Variants in CCNL1 observed in about 807,000 individuals in gnomAD.
CCNL1 encodes cyclin L1.
A neutral mutation model predicts 60.6 loss-of-function variants in CCNL1; 13 were observed. The ratio of observed to expected loss-of-function variants is 0.21; its 90% confidence interval spans 0.14 to 0.34. CCNL1 has a LOEUF of 0.34. Among genes scored for constraint, CCNL1 ranks in the 10% least tolerant of loss-of-function variants. The pLI is 1.00. For synonymous variants in CCNL1, 270 were observed against 244.3 expected (o/e 1.10, Z -0.98); for missense variants, 481 against 664.3 (o/e 0.72, Z 3.03).
At chr3:157,144,764 C>A (rs73012142), downstream of CCNL1, among the ~76,000 whole-genome samples, 3,558 of 152,312 alleles carry the variant, frequency 0.023, 138 homozygotes, top group African/African-American at 0.082. Flanking sequence ...TATGTCCATG[C>A]TTTTAACTTC....
chr3:157,150,859 C>G, intron 5 of CCNL1: 1 of 985,782 alleles, frequency 1.0e-6, no homozygotes, highest in South Asian at 4.7e-5. Context: ...CAGTAAGTAC[C>G]AAGTTAAACT....
chr3:157,158,760 T>C, intron 3 of CCNL1, 106 bp downstream of exon 3: 1 of 685,152 alleles, frequency 1.5e-6, no homozygotes, highest in South Asian at 1.8e-5. Context: ...AAAGTCCGTT[T>C]TCTTTTGCAT....
Position 157,148,077 on chromosome 3 carries a change from CAT to C in CCNL1, c.*162_*163del. Reference sequence around the variant, plus strand: ...GCATTTTAATGTGCAAAAAAATTAACATAGTTCTTTTCAAAAGAAACTGTCCT... The same window carrying C: ...GCATTTTAATGTGCAAAAAAATTAACAGTTCTTTTCAAAAGAAACTGTCCT... On this transcript the variant is annotated 3_prime_UTR_variant, in exon 11 of 11. Coordinates refer to ENST00000295926, the MANE Select transcript of CCNL1 (RefSeq NM_020307.4). 7 of 1,393,388 alleles carry C rather than the reference CAT, an allele frequency of 5.0e-6. No individual in the cohort carries two copies. The highest frequency in any genetic ancestry group is 6.5e-6 in the Non-Finnish European group (7 of 1,077,378). The allele number at this position is 1,393,388 out of a possible 1,614,324, so 86.3% of individuals were successfully genotyped here. A position where few individuals can be genotyped will look rare whatever the true frequency, so the allele number is the denominator to read the frequency against.
At position 157,152,194 on chromosome 3, in the gene CCNL1, G is replaced by C; in HGVS notation, c.657C>G (p.Thr219=). The change falls in exon 5 of 11, where the codon ACC becomes ACG. Residue 219 remains threonine (T), a synonymous_variant. Coordinates refer to ENST00000295926, the MANE Select transcript of CCNL1 (RefSeq NM_020307.4). The part of the protein sequence containing the change: ...LQVLECERNQ[T]LVQTAWNYMN... ...TGACTTACCAGGCAGTTTGAACCAGGGTTTGATTACGTTCACATTCTAAGA... is the reference window on the plus strand; with the variant it reads ...TGACTTACCAGGCAGTTTGAACCAGCGTTTGATTACGTTCACATTCTAAGA... The C allele has an allele frequency of 6.2e-7, 1 of 1,611,826 alleles. No homozygotes were observed. The highest frequency in any genetic ancestry group is 1.1e-5 in the South Asian group (1 of 90,482).
intron 3 of CCNL1, among the ~76,000 whole-genome samples, chr3:157,158,185 G>C (rs1422408784): frequency 6.6e-6 from 1 of 152,226 alleles, no homozygotes; most frequent in Non-Finnish European, 1.5e-5. Flanking sequence ...TTCAGTCTCT[G>C]TATTTTCTTA....
In CCNL1 at chr3:157,159,985, G is replaced by T. The variant is rs770313834; in HGVS notation, c.110C>A (p.Thr37Lys). The stretch of plus-strand genomic sequence containing the variant: ...GCGATCGCCGATCAGGATCCCTCCC[G>T]TCGTGGTCGTCGTCGTGGTCGTCGT... Reference protein sequence around the residue: ...SGTTTTTTTTTGGILIGDRLY... With the variant: ...SGTTTTTTTTKGGILIGDRLY... Residue 37 changes from threonine to lysine, a missense_variant, in exon 1 of 11, where the codon ACG (threonine) becomes AAG (lysine). By Grantham distance (78) the Thr-to-Lys change is moderately conservative (BLOSUM62 -1). Coordinates refer to ENST00000295926, the MANE Select transcript of CCNL1 (RefSeq NM_020307.4). 2.0e-5 allele frequency: 31 copies of T among 1,581,228 alleles called. No individual in the cohort carries two copies. In the Admixed American group the frequency reaches 4.2e-4, roughly 21 times the overall value.
Position 157,148,173 on chromosome 3 carries a change from T to C in CCNL1, c.*68A>G, listed in dbSNP as rs1021349455. On this transcript the variant is annotated 3_prime_UTR_variant, in exon 11 of 11. Coordinates refer to ENST00000295926, the MANE Select transcript of CCNL1 (RefSeq NM_020307.4). The stretch of plus-strand genomic sequence containing the variant: ...ATCAGTTTGCGTTTAATGTTTTTGA[T>C]TGAGTCCATACATCACACTGTAGAT... 1.2e-5 allele frequency: 18 copies of C among 1,530,058 alleles called. No individual in the cohort carries two copies. Among genetic ancestry groups the C allele is most frequent in the Non-Finnish European group, 1.6e-5 (18 of 1,141,936 alleles). 94.8% of individuals were successfully genotyped at this position (1,530,058 alleles called of 1,614,324 possible).
At chr3:157,148,833 G>GA in intron 10 of CCNL1, 1 of 458,766 alleles carries the variant, frequency 2.2e-6, no homozygotes, top group Non-Finnish European at 3.8e-6. Flanking sequence ...TAGTGTCCTA[G>GA]AGCTATGCTT....
In CCNL1 at chr3:157,159,998, T is replaced by C. The variant is rs1343099035; in HGVS notation, c.97A>G (p.Thr33Ala). Residue 33 changes from threonine (T) to alanine (A), a missense_variant, in exon 1 of 11, where the codon ACG (threonine) becomes GCG (alanine). Thr to Ala is a moderately conservative substitution (Grantham distance 58). Coordinates refer to ENST00000295926, the MANE Select transcript of CCNL1 (RefSeq NM_020307.4). ...AGGATCCCTCCCGTCGTGGTCGTCG[T>C]CGTGGTCGTCGTCCCGGAGCTGGAG... ...GGSSSGTTTTTTTTTGGILIG... is the reference protein window; with the variant it reads ...GGSSSGTTTTATTTTGGILIG... 1.3e-6 allele frequency: 2 copies of C among 1,575,276 alleles called. No homozygotes were observed. The highest frequency in any genetic ancestry group is 1.7e-4 in the Middle Eastern group (1 of 6,016).
intron 3 of CCNL1, chr3:157,156,832 T>C: frequency 1.0e-6 from 1 of 965,976 alleles, no homozygotes; most frequent in Non-Finnish European, 1.4e-6. Context: ...CATTAACCTA[T>C]GCAAAAATAA....
chr3:157,148,904 T>G, intron 10 of CCNL1: 1 of 355,116 alleles, frequency 2.8e-6, no homozygotes, highest in Admixed American at 4.3e-5. Context: ...GCTAACAATC[T>G]AATTACAGGC....
downstream of CCNL1, among the ~76,000 whole-genome samples, chr3:157,143,302 T>C (rs1346734851): frequency 6.6e-6 from 1 of 152,224 alleles, no homozygotes; most frequent in Non-Finnish European, 1.5e-5. Flanking sequence ...CCTAGGATGT[T>C]GTTTACATCT....
downstream of CCNL1, among the ~76,000 whole-genome samples, chr3:157,144,192 T>C (rs76345072): frequency 0.012 from 1,803 of 152,322 alleles, 12 homozygotes; most frequent in Non-Finnish European, 0.018. Context: ...GCCTTAATTA[T>C]GAAAATCTTG....
chr3:157,151,718 CAAAT>C (rs1361866452), intron 5 of CCNL1: 2 of 1,011,654 alleles, frequency 2.0e-6, no homozygotes, highest in African/African-American at 3.5e-5. Context: ...ATAGGCATGT[CAAAT>C]AGTTACTTCT....
In CCNL1 at chr3:157,148,276, C is replaced by CACCATG; in HGVS notation, c.1540_1545dup (p.His514_Gly515dup). On this transcript the variant is annotated inframe_insertion, in exon 11 of 11. Coordinates refer to ENST00000295926, the MANE Select transcript of CCNL1 (RefSeq NM_020307.4). ...TGCCTGCCATGTCCTGAGCGACTGC[C>CACCATG]ACCATGGTGCTTGCTTTTATGGGAC... 1 of 1,614,128 alleles carries CACCATG rather than the reference C, an allele frequency of 6.2e-7. No individual in the cohort carries two copies. The highest frequency in any genetic ancestry group is 8.5e-7 in the Non-Finnish European group (1 of 1,180,014).
intron 2 of CCNL1, 171 bp downstream of exon 2, chr3:157,159,234 G>A: frequency 1.5e-6 from 1 of 668,636 alleles, no homozygotes; most frequent in South Asian, 2.0e-5. Context: ...TTAGGCTCGT[G>A]ATCGATTTTG....
intron 3 of CCNL1, chr3:157,157,209 C>A: frequency 1.3e-6 from 1 of 766,222 alleles, no homozygotes; most frequent in South Asian, 1.5e-5. Context: ...GGCTTCCATG[C>A]AATTAACAAC....
At chr3:157,152,819 CA>C in intron 4 of CCNL1, 1 of 1,298,050 alleles carries the variant, frequency 7.7e-7, no homozygotes, top group Non-Finnish European at 9.8e-7. Flanking sequence ...TATGAGCACA[CA>C]ATTAAGATTT....
intron 3 of CCNL1, chr3:157,153,541 T>G (rs1407053260): frequency 6.2e-6 from 1 of 161,946 alleles, no homozygotes; most frequent in East Asian, 1.8e-4. Context: ...CAAAGTAATG[T>G]GCTCCAGGCT....
Sources: gnomAD v4.1 joint callset for allele counts (sites outside exome capture counted in the v4.1 genomes callset) on GRCh38, gnomAD v4.1.1 for gene constraint, MANE v1.5 for transcripts, NCBI Gene and HGNC (gene_info 2026-07-23, HGNC 2026-07-21) for gene names.